Variants in KLHL28 observed in about 807,000 individuals in gnomAD.
The protein encoded by KLHL28 is kelch-like protein 28.
KLHL28 carries 22 observed loss-of-function variants against 48.3 expected under a neutral mutation model. The ratio of observed to expected loss-of-function variants is 0.46; its 90% CI spans 0.33 to 0.65. The LOEUF (loss-of-function observed/expected upper bound fraction) is 0.65. Among genes scored for constraint, KLHL28 ranks in the 30% least tolerant of loss-of-function variants. KLHL28 has a pLI of 0.03. For synonymous variants in KLHL28, 243 were observed against 242.4 expected, an observed-to-expected ratio of 1.00 and a Z score of -0.02; for missense variants, 527 against 704.3, an observed-to-expected ratio of 0.75 and a Z score of 2.85.
In KLHL28 at chr14:44,931,118, A is replaced by G. The variant is rs144384782; in HGVS notation, c.1552+215T>C. Among the ~76,000 whole-genome samples, 82 of 152,328 alleles carry G rather than the reference A, an allele frequency of 5.4e-4. 1 individual carries two copies. In the East Asian group the frequency reaches 0.015, roughly 27 times the overall value. Reference sequence around the variant, plus strand: ...ATGTATTCAGCAAGTTTGAGAAACAATAATATGCACATTGGCATATAAAAG... The same window carrying G: ...ATGTATTCAGCAAGTTTGAGAAACAGTAATATGCACATTGGCATATAAAAG... On this transcript the variant is annotated intron_variant, in intron 4 of 4. Transcript: ENST00000396128.
intron 1 of KLHL28, among the ~76,000 whole-genome samples, chr14:44,954,874 A>T (rs1884729675): frequency 6.6e-6 from 1 of 152,236 alleles, no homozygotes; most frequent in Non-Finnish European, 1.5e-5. Flanking sequence ...AGAAAATATC[A>T]ACTTAGTGGC....
At chr14:44,950,884 G>A (rs1010281809) in intron 1 of KLHL28, among the ~76,000 whole-genome samples, 2 of 152,164 alleles carry the variant, frequency 1.3e-5, no homozygotes, top group African/African-American at 2.4e-5. Flanking sequence ...AAAAAAGGAA[G>A]GAAGTTTGCT....
intron 2 of KLHL28, among the ~76,000 whole-genome samples, chr14:44,941,327 C>A (rs1391701780): frequency 6.6e-6 from 1 of 152,100 alleles, no homozygotes; most frequent in Non-Finnish European, 1.5e-5. Context: ...ATTTCTACAA[C>A]TCTGCTTGAA....
intron 2 of KLHL28, among the ~76,000 whole-genome samples, chr14:44,936,610 T>C (rs1185345515): frequency 2.0e-5 from 3 of 152,154 alleles, no homozygotes; most frequent in African/African-American, 4.8e-5. Flanking sequence ...TAAGGAAATG[T>C]AGAGTAGTTA....
In KLHL28 at chr14:44,934,139, C is replaced by T; in HGVS notation, c.1319G>A (p.Gly440Glu). Residue 440 changes from glycine (G) to glutamate (E), a missense_variant, in exon 3 of 5, where the codon GGG (glycine) becomes GAG (glutamate). Gly to Glu is a moderately conservative substitution (Grantham distance 98). Coordinates refer to ENST00000396128, the MANE Select transcript of KLHL28 (RefSeq NM_017658.5). ...VLDGMIYAIG[G>E]YGPAHMNSVE... ...CCTGTTCATGTGGGCAGGACCATAC[C>T]CACCAATGGCATATATCATTCCATC... is the stretch of plus-strand genomic sequence containing the variant. The T allele has an allele frequency of 6.2e-7, 1 of 1,613,432 alleles. No homozygotes were observed. The highest frequency in any genetic ancestry group is 8.5e-7 in the Non-Finnish European group (1 of 1,179,618).
intron 2 of KLHL28, among the ~76,000 whole-genome samples, chr14:44,938,529 G>A (rs1296136104): frequency 5.3e-5 from 8 of 151,972 alleles, no homozygotes; most frequent in African/African-American, 1.5e-4. Flanking sequence ...CCACCACCAC[G>A]CCCAGCTAAT....
chr14:44,931,448 G>A lies in KLHL28; in HGVS notation c.1437C>T (p.Gly479=). The A allele has an allele frequency of 6.2e-7, 1 of 1,613,840 alleles. No homozygotes were observed. Among genetic ancestry groups the A allele is most frequent in the East Asian group, 2.2e-5 (1 of 44,866 alleles). ...RIHFGVGVML[G]FIFVVGGHNG... ...TATGTCCACCCACCACAAAAATAAA[G>A]CCTAGCATGACACCCACGCCAAAGT... Residue 479 remains glycine, a synonymous_variant, in exon 4 of 5, where the codon GGC becomes GGT. Coordinates refer to ENST00000396128, the MANE Select transcript of KLHL28 (RefSeq NM_017658.5).
In KLHL28 at chr14:44,935,892, A is replaced by G. The variant is rs867450429; in HGVS notation, c.900-1334T>C. Among the ~76,000 whole-genome samples the G allele has an allele frequency of 4.4e-5, 5 of 114,340 alleles. 1 individual carries two copies. Among genetic ancestry groups the G allele is most frequent in the Non-Finnish European group, 7.9e-5 (4 of 50,688 alleles). 75.0% of individuals were successfully genotyped at this position (114,340 alleles called of 152,430 possible). ...TGTGTATGTATATATATATGTGTGT[A>G]TATATATATATCTTTACCCTCCCCC... On this transcript the variant is annotated intron_variant, in intron 2 of 4. Coordinates refer to ENST00000396128, the MANE Select transcript of KLHL28 (RefSeq NM_017658.5).
At chr14:44,932,775 G>A (rs1446951594) in intron 3 of KLHL28, among the ~76,000 whole-genome samples, 2 of 152,050 alleles carry the variant, frequency 1.3e-5, no homozygotes, top group Non-Finnish European at 2.9e-5. Flanking sequence ...TACAAATTTT[G>A]GGCAGAAGCT....
chr14:44,931,626 T>C (rs1594564676), intron 3 of KLHL28, 85 bp from the exon 4 acceptor site: 1 of 956,020 alleles, frequency 1.0e-6, no homozygotes, highest in East Asian at 2.6e-5. Flanking sequence ...ACTACAGCTT[T>C]AAAAGTTCAC....
At chr14:44,957,015 G>A (rs527255914) in intron 1 of KLHL28, among the ~76,000 whole-genome samples, 2 of 152,172 alleles carry the variant, frequency 1.3e-5, no homozygotes, top group Admixed American at 1.3e-4. Context: ...TGTAGAGATG[G>A]GATCTCACTA....
chr14:44,954,948 A>G (rs530782970), intron 1 of KLHL28, among the ~76,000 whole-genome samples: 1 of 152,298 alleles, frequency 6.6e-6, no homozygotes, highest in African/African-American at 2.4e-5. Context: ...GACATGCCCT[A>G]AAATATATAT....
chr14:44,945,949 A>G (rs373892418), intron 1 of KLHL28, 21 bp from the exon 2 acceptor site: 2 of 1,588,976 alleles, frequency 1.3e-6, no homozygotes, highest in Non-Finnish European at 1.7e-6. Context: ...ATAAAAAAGC[A>G]TAGACAGTTA....
intron 4 of KLHL28, 52 bp from the exon 5 acceptor site, chr14:44,929,243 C>A (rs778747464): frequency 2.8e-6 from 4 of 1,403,568 alleles, no homozygotes; most frequent in Non-Finnish European, 3.9e-6. Context: ...ATGAAGTATA[C>A]TTTTTCTCAC....
At position 44,925,264 on chromosome 14, in the gene KLHL28, C is replaced by T. The variant is rs1488806104; in HGVS notation, c.*3764G>A. On this transcript the variant is annotated 3_prime_UTR_variant, in exon 5 of 5. Coordinates refer to ENST00000396128, the MANE Select transcript of KLHL28 (RefSeq NM_017658.5). ...CACTTAGGTGACAATACCAGGAATC[C>T]AACACCAAAACTGAAAATAAACACA... 2 of 152,036 alleles carry T rather than the reference C, an allele frequency of 1.3e-5. No homozygotes were observed. Among genetic ancestry groups the T allele is most frequent in the Non-Finnish European group, 2.9e-5 (2 of 67,962 alleles). 9.4% of individuals were successfully genotyped at this position (152,036 alleles called of 1,614,324 possible).
chr14:44,932,256 GT>G lies in KLHL28; in HGVS notation c.1344-716del, dbSNP rs372839378. 6.2e-3 allele frequency among the ~76,000 whole-genome samples: 581 copies of G among 93,702 alleles called. 8 individuals carry two copies. Among genetic ancestry groups the G allele is most frequent in the Non-Finnish European group, 6.7e-3 (350 of 52,322 alleles). The allele number at this position is 93,702 out of a possible 152,430, so 61.5% of individuals were successfully genotyped here. A position where few individuals can be genotyped will look rare whatever the true frequency, so the allele number is the denominator to read the frequency against. On this transcript the variant is annotated intron_variant, in intron 3 of 4. Transcript: ENST00000396128. Reference sequence around the variant, plus strand: ...AAGAAGAGGAAGAGAGGGGTGGGGGGTGGGGAGAAAAACCTTTATTTTTTTT... The same window carrying G: ...AAGAAGAGGAAGAGAGGGGTGGGGGGGGGGAGAAAAACCTTTATTTTTTTT...
At chr14:44,940,840 A>C (rs532368585) in intron 2 of KLHL28, among the ~76,000 whole-genome samples, 1 of 152,182 alleles carries the variant, frequency 6.6e-6, no homozygotes, top group South Asian at 2.1e-4. Flanking sequence ...CTCTTTATTC[A>C]TCTAATTATA....
chr14:44,935,882 A>G (rs1339099564), intron 2 of KLHL28, among the ~76,000 whole-genome samples: 6 of 87,112 alleles, frequency 6.9e-5, no homozygotes, highest in Non-Finnish European at 1.3e-4. Context: ...ATGTATATAT[A>G]TATGTGTGTA....
rs144393904 is a variant in KLHL28, at chr14:44,956,159, C to A, written c.-1+5687G>T. On this transcript the variant is annotated intron_variant, in intron 1 of 4. Transcript: ENST00000396128. ...TTGTTTTTTAAGAGATAGGGTCTTG[C>A]TACCTTGCCGAAACTAGTCTCAATC... Among the ~76,000 whole-genome samples, 705 of 152,224 alleles carry A rather than the reference C, an allele frequency of 4.6e-3. 10 individuals are homozygous for A. The highest frequency in any genetic ancestry group is 0.015 in the African/African-American group (636 of 41,542).
Sources: gnomAD v4.1 joint callset for allele counts (sites outside exome capture counted in the v4.1 genomes callset) on GRCh38, gnomAD v4.1.1 for gene constraint, MANE v1.5 for transcripts, NCBI Gene and HGNC (gene_info 2026-07-23, HGNC 2026-07-21) for gene names.